Variants in SUPT20H observed in about 807,000 individuals in gnomAD.
SUPT20H encodes transcription factor SPT20 homolog.
In SUPT20H, 82 loss-of-function variants were observed where a neutral mutation model predicts 122.8. The ratio of observed to expected loss-of-function variants is 0.67; its 90% confidence interval spans 0.56 to 0.80. The LOEUF (loss-of-function observed/expected upper bound fraction) is 0.80, where lower values mean the gene tolerates loss of function less well. Among genes scored for constraint, SUPT20H ranks in the 30% least tolerant of loss-of-function variants. The pLI is 0.00. For missense variants in SUPT20H, 831 were observed against 921.6 expected (o/e 0.90, Z 1.27); for synonymous variants, 291 against 313.0 (o/e 0.93, Z 0.74).
At chr13:37,049,558 GGT>G (rs2067208470) in intron 2 of SUPT20H, among the ~76,000 whole-genome samples, 1 of 152,056 alleles carries the variant, frequency 6.6e-6, no homozygotes, top group African/African-American at 2.4e-5. Context: ...TGGCCAACAT[GGT>G]GAAACCCTAT....
chr13:37,014,343 A>G (rs913367431), intron 23 of SUPT20H, among the ~76,000 whole-genome samples: 30 of 152,106 alleles, frequency 2.0e-4, no homozygotes, highest in Middle Eastern at 3.2e-3. Context: ...GATAAAACAT[A>G]CAGAAAGAAA....
In SUPT20H at chr13:37,049,663, C is replaced by T. The variant is rs558243587; in HGVS notation, c.4-1064G>A. On this transcript the variant is annotated intron_variant, in intron 2 of 25. Coordinates refer to ENST00000350612, the MANE Select transcript of SUPT20H (RefSeq NM_001014286.3). ...CTGAGGAAGGAGAATCACTTGAACC[C>T]GGGAGGCAGAGGTTGCAGTGAGCCC... 2.3e-3 allele frequency among the ~76,000 whole-genome samples: 345 copies of T among 152,064 alleles called. 1 individual carries two copies. Among genetic ancestry groups the T allele is most frequent in the African/African-American group, 7.4e-3 (305 of 41,492 alleles).
intron 5 of SUPT20H, among the ~76,000 whole-genome samples, chr13:37,046,162 G>A (rs1303458350): frequency 6.6e-6 from 1 of 151,974 alleles, no homozygotes; most frequent in Non-Finnish European, 1.5e-5. Flanking sequence ...AGAAAGAAGT[G>A]ATAAATTCTT....
intron 1 of SUPT20H, among the ~76,000 whole-genome samples, chr13:37,054,050 C>T (rs914262549): frequency 7.2e-5 from 11 of 152,176 alleles, no homozygotes; most frequent in Non-Finnish European, 1.3e-4. Context: ...CACATACACC[C>T]TCCCAAGACT....
chr13:37,052,530 G>C, intron 1 of SUPT20H, among the ~76,000 whole-genome samples: 1 of 31,380 alleles, frequency 3.2e-5, no homozygotes, highest in African/African-American at 1.9e-4. Context: ...ACTCAAGATG[G>C]AATAAAGACT....
intron 1 of SUPT20H, among the ~76,000 whole-genome samples, chr13:37,052,210 G>A (rs1283859607): frequency 6.6e-6 from 1 of 152,132 alleles, no homozygotes; most frequent in African/African-American, 2.4e-5. Context: ...CCAAAAAAGA[G>A]CCTGTATAGC....
chr13:37,058,774 C>T (rs2069844972), intron 1 of SUPT20H, among the ~76,000 whole-genome samples: 1 of 152,060 alleles, frequency 6.6e-6, no homozygotes, highest in Non-Finnish European at 1.5e-5. Flanking sequence ...CTAATCAAAC[C>T]GGCATCTGTT....
At chr13:37,043,295 T>C (rs890740906) in intron 7 of SUPT20H, among the ~76,000 whole-genome samples, 1 of 152,118 alleles carries the variant, frequency 6.6e-6, no homozygotes, top group African/African-American at 2.4e-5. Flanking sequence ...AAACGAGAGT[T>C]CTCATGTGAT....
chr13:37,042,029 T>C (rs1349554138), intron 7 of SUPT20H, among the ~76,000 whole-genome samples: 10 of 152,112 alleles, frequency 6.6e-5, no homozygotes, highest in Non-Finnish European at 1.5e-5. Context: ...AGGAACAAGC[T>C]TGGAGTGTTT....
intron 9 of SUPT20H, 36 bp from the exon 10 acceptor site, chr13:37,033,624 T>A: frequency 6.9e-6 from 11 of 1,597,364 alleles, no homozygotes; most frequent in Non-Finnish European, 9.4e-6. Flanking sequence ...ATACCAGATT[T>A]AAGATTTTCA....
At chr13:37,054,283 C>T (rs1463479358) in intron 1 of SUPT20H, among the ~76,000 whole-genome samples, 1 of 152,168 alleles carries the variant, frequency 6.6e-6, no homozygotes, top group African/African-American at 2.4e-5. Flanking sequence ...CCAGCATCAT[C>T]CTGATACCAA....
Position 37,028,317 on chromosome 13 carries a change from A to G in SUPT20H, c.994-12T>C, listed in dbSNP as rs749904425. On this transcript the variant is annotated splice_polypyrimidine_tract_variant and intron_variant, in intron 13 of 25. Transcript: ENST00000350612. Reference sequence around the variant, plus strand: ...TCATCTTTTACATCCTGAAAAATGCATAGCACCTCAAATAAATACCTTCAC... The same window carrying G: ...TCATCTTTTACATCCTGAAAAATGCGTAGCACCTCAAATAAATACCTTCAC... 16 of 1,600,406 alleles carry G rather than the reference A, an allele frequency of 1.0e-5. No individual in the cohort carries two copies. Among genetic ancestry groups the G allele is most frequent in the Non-Finnish European group, 1.4e-5 (16 of 1,175,254 alleles).
chr13:37,049,272 G>A (rs1000748994), intron 2 of SUPT20H, among the ~76,000 whole-genome samples: 4 of 152,072 alleles, frequency 2.6e-5, no homozygotes, highest in African/African-American at 4.8e-5. Context: ...ATGAACCTCA[G>A]AATTGATGAA....
chr13:37,020,952 A>G (rs2139460356), intron 21 of SUPT20H, among the ~76,000 whole-genome samples: 1 of 152,294 alleles, frequency 6.6e-6, no homozygotes, highest in African/African-American at 2.4e-5. Context: ...CCTCACGACT[A>G]TGAGGTAAGT....
chr13:37,033,203 GA>G (rs952955006), intron 10 of SUPT20H, among the ~76,000 whole-genome samples: 75 of 143,890 alleles, frequency 5.2e-4, no homozygotes, highest in African/African-American at 1.0e-3. Context: ...TTTTCAAAAA[GA>G]AAAAAAAAAA....
intron 6 of SUPT20H, 103 bp downstream of exon 6, chr13:37,045,144 C>G: frequency 6.7e-7 from 1 of 1,491,458 alleles, no homozygotes; most frequent in Non-Finnish European, 9.1e-7. Context: ...TCATCACTAT[C>G]TGAAGGACAA....
Position 37,047,900 on chromosome 13 carries a change from T to C in SUPT20H, c.76A>G (p.Arg26Gly). 1.2e-6 allele frequency: 2 copies of C among 1,606,678 alleles called. No homozygotes were observed. Among genetic ancestry groups the C allele is most frequent in the Non-Finnish European group, 1.7e-6 (2 of 1,176,410 alleles). ...IESARQRPPKRKYLSSGRKSV... is the reference protein window; with the variant it reads ...IESARQRPPKGKYLSSGRKSV... ...TACCTTCCACTTGATAGGTATTTCC[T>C]TTTAGGAGGTCTCTGTCGGGCACTT... The change falls in exon 4 of 26, where the codon AGG (arginine) becomes GGG (glycine). Residue 26 changes from arginine to glycine, a missense_variant. By Grantham distance (125) the Arg-to-Gly change is moderately radical. Coordinates refer to ENST00000350612, the MANE Select transcript of SUPT20H (RefSeq NM_001014286.3).
At chr13:37,041,682 T>A (rs1332243678) in intron 7 of SUPT20H, among the ~76,000 whole-genome samples, 1 of 152,176 alleles carries the variant, frequency 6.6e-6, no homozygotes. Context: ...TGTTTTGTCA[T>A]TCTTATTGTC....
In SUPT20H at chr13:37,047,430, T is replaced by C. The variant is rs1594468772; in HGVS notation, c.165+105A>G. 4.1e-6 allele frequency: 5 copies of C among 1,227,776 alleles called. No homozygotes were observed. In the East Asian group the frequency reaches 1.4e-4, roughly 35 times the overall value. The allele number at this position is 1,227,776 out of a possible 1,614,324, so 76.1% of individuals were successfully genotyped here. A position where few individuals can be genotyped will look rare whatever the true frequency, so the allele number is the denominator to read the frequency against. On this transcript the variant is annotated intron_variant, in intron 5 of 25. Transcript: ENST00000350612. ...TTGACTAGGGTCAGGTTAAAAAAGA[T>C]GTTAGTTCACTCACACACACAAAAA... is the stretch of plus-strand genomic sequence containing the variant.
Sources: allele counts gnomAD v4.1 joint callset (sites outside exome capture counted in the v4.1 genomes callset), GRCh38; gene constraint gnomAD v4.1.1; transcripts MANE v1.5; gene names NCBI Gene and HGNC (gene_info 2026-07-23, HGNC 2026-07-21).